ADGRV1: variants seen among roughly 807,000 people sequenced by gnomAD.
ADGRV1 encodes G-protein coupled receptor 98.
In ADGRV1, 359 loss-of-function variants were observed where a neutral mutation model predicts 596.2. That is an observed-to-expected ratio of 0.60 (90% CI 0.55 to 0.66). The LOEUF (loss-of-function observed/expected upper bound fraction) is 0.66, where lower values mean the gene tolerates loss of function less well. Among genes scored for constraint, ADGRV1 ranks in the 30% least tolerant of loss-of-function variants. ADGRV1 has a pLI of 0.00. For synonymous variants in ADGRV1, 2,681 were observed against 2,679.2 expected (o/e 1.00, Z -0.02); for missense variants, 7,274 against 7,575.6 (o/e 0.96, Z 1.48).
At chr5:90,686,136 AG>A (rs754793536) in intron 29 of ADGRV1, 141 bp downstream of exon 29, 11 of 358,290 alleles carry the variant, frequency 3.1e-5, no homozygotes, top group Non-Finnish European at 4.1e-5. Flanking sequence ...ATCTTTTTCA[AG>A]GGACAAATCT....
At position 90,629,359 on chromosome 5, in the gene ADGRV1, G is replaced by T; in HGVS notation, c.1659G>T (p.Leu553Phe). 1.2e-6 allele frequency: 2 copies of T among 1,613,650 alleles called. No individual in the cohort carries two copies. Among genetic ancestry groups the T allele is most frequent in the Non-Finnish European group, 1.7e-6 (2 of 1,179,814 alleles). Residue 553 changes from leucine to phenylalanine, a missense_variant, in exon 9 of 90, where the codon TTG (leucine) becomes TTT (phenylalanine). Physicochemically the swap from Leu to Phe is conservative, Grantham distance 22. Transcript: ENST00000405460. Reference sequence around the variant, plus strand: ...GAGGGACTAAAGGAGATGTGAGGTTGCTTTATTCTGTACTTTACATTCCTG... The same window carrying T: ...GAGGGACTAAAGGAGATGTGAGGTTTCTTTATTCTGTACTTTACATTCCTG... ...RLGGTKGDVR[L>F]LYSVLYIPAG...
chr5:90,820,041 G>A (rs1434715252), intron 75 of ADGRV1, among the ~76,000 whole-genome samples: 7 of 151,718 alleles, frequency 4.6e-5, no homozygotes, highest in African/African-American at 1.7e-4. Flanking sequence ...TTATTAATGT[G>A]TGGGAGTCTA....
rs1755507691 is a variant in ADGRV1 at position 90,753,621 on chromosome 5, T to C, written c.11169T>C (p.Ile3723=). 6.2e-7 allele frequency: 1 copy of C among 1,612,030 alleles called. No individual in the cohort carries two copies. Among genetic ancestry groups the C allele is most frequent in the Non-Finnish European group, 8.5e-7 (1 of 1,178,178 alleles). ...GQVLSTITLT[I]LADNIPELSE... ...TACTGTCAACAATCACTCTAACTAT[T>C]CTTGCTGATAATATACCAGAGTTAT... The change falls in exon 54 of 90, where the codon ATT becomes ATC. Residue 3723 remains isoleucine (I), a synonymous_variant. Transcript: ENST00000405460.
At chr5:90,772,011 T>G (rs1757744997) in intron 59 of ADGRV1, among the ~76,000 whole-genome samples, 1 of 151,998 alleles carries the variant, frequency 6.6e-6, no homozygotes. Context: ...ATCACCCTTT[T>G]CCCCCCTCTT....
chr5:91,159,357 T>G (rs1019654676), intron 89 of ADGRV1, among the ~76,000 whole-genome samples: 3 of 152,244 alleles, frequency 2.0e-5, no homozygotes, highest in Non-Finnish European at 4.4e-5. Flanking sequence ...TTGAAGCCAC[T>G]GTGTTAGTGC....
chr5:90,715,282 C>T (rs1374789878), intron 42 of ADGRV1, among the ~76,000 whole-genome samples: 1 of 152,216 alleles, frequency 6.6e-6, no homozygotes, highest in Non-Finnish European at 1.5e-5. Flanking sequence ...GCAACTGACA[C>T]TCAGTCCTGC....
chr5:91,041,654 G>C (rs1785370147), intron 85 of ADGRV1, among the ~76,000 whole-genome samples: 1 of 151,580 alleles, frequency 6.6e-6, no homozygotes, highest in Non-Finnish European at 1.5e-5. Flanking sequence ...AAAAAAGAGA[G>C]AGAGAGAGAC....
At chr5:90,747,640 A>C (rs555614207) in intron 52 of ADGRV1, among the ~76,000 whole-genome samples, 1 of 152,270 alleles carries the variant, frequency 6.6e-6, no homozygotes, top group South Asian at 2.1e-4. Flanking sequence ...CAGGATTTTA[A>C]CTGGGGTCTG....
chr5:90,996,899 A>T (rs1049575231), intron 85 of ADGRV1, among the ~76,000 whole-genome samples: 1 of 152,328 alleles, frequency 6.6e-6, no homozygotes, highest in South Asian at 2.1e-4. Flanking sequence ...TTGGATTTCC[A>T]TGGAACCTGT....
rs556425782 is a variant in ADGRV1 at position 90,654,154 on chromosome 5, T to C, written c.4378+202T>C. ...TGTTACAGAAATGAATCAGAGAATT[T>C]TGCCCTTAAAGAACCTGGAATAAAC... On this transcript the variant is annotated intron_variant, in intron 20 of 89. Coordinates refer to ENST00000405460, the MANE Select transcript of ADGRV1 (RefSeq NM_032119.4). 65 of 623,326 alleles carry C rather than the reference T, an allele frequency of 1.0e-4. No homozygotes were observed. The African/African-American group carries it at 1.1e-3, about 11-fold the overall frequency. 38.6% of individuals were successfully genotyped at this position (623,326 alleles called of 1,614,324 possible). A position where few individuals can be genotyped will look rare whatever the true frequency, so the allele number is the denominator to read the frequency against.
chr5:91,160,346 A>C (rs948082042), intron 89 of ADGRV1, among the ~76,000 whole-genome samples: 4 of 152,168 alleles, frequency 2.6e-5, no homozygotes, highest in African/African-American at 9.7e-5. Flanking sequence ...GAAAGGTGGA[A>C]TTTTGAAAGA....
At chr5:90,920,145 A>G (rs1414982795) in intron 83 of ADGRV1, among the ~76,000 whole-genome samples, 1 of 152,168 alleles carries the variant, frequency 6.6e-6, no homozygotes, top group Non-Finnish European at 1.5e-5. Context: ...GAGACTGGGA[A>G]GTTCTAAATC....
intron 83 of ADGRV1, among the ~76,000 whole-genome samples, chr5:90,926,625 C>G (rs907091356): frequency 4.0e-5 from 6 of 151,698 alleles, no homozygotes; most frequent in African/African-American, 1.2e-4. Flanking sequence ...TTTTGTGTCT[C>G]TGTTTCCTTC....
intron 70 of ADGRV1, among the ~76,000 whole-genome samples, chr5:90,799,988 T>C (rs1303414569): frequency 6.6e-6 from 1 of 152,042 alleles, no homozygotes; most frequent in Non-Finnish European, 1.5e-5. Context: ...GAAGAAAACC[T>C]AGGAAATACC....
chr5:90,683,371 C>T (rs1053474398), intron 27 of ADGRV1, among the ~76,000 whole-genome samples: 3 of 151,934 alleles, frequency 2.0e-5, no homozygotes, highest in African/African-American at 7.3e-5. Flanking sequence ...CCACTGCACT[C>T]GGCATAGTCA....
chr5:90,685,524 G>A (rs996572699), intron 28 of ADGRV1, among the ~76,000 whole-genome samples: 2 of 151,940 alleles, frequency 1.3e-5, no homozygotes, highest in African/African-American at 4.8e-5. Flanking sequence ...AGCGGAGGTT[G>A]TGGTGAGCCA....
At chr5:90,860,722 T>TA (rs200972948) in intron 82 of ADGRV1, among the ~76,000 whole-genome samples, 16,303 of 135,208 alleles carry the variant, frequency 0.12, 909 homozygotes, top group East Asian at 0.18. Flanking sequence ...GGTGGTATAA[T>TA]AAAAAAAAAA....
intron 84 of ADGRV1, among the ~76,000 whole-genome samples, chr5:90,974,679 C>T (rs1481367865): frequency 6.6e-6 from 1 of 152,144 alleles, no homozygotes. Flanking sequence ...CCCTTCCTTA[C>T]ACCTTATACA....
chr5:90,659,906 C>A (rs1770000449), intron 21 of ADGRV1, among the ~76,000 whole-genome samples: 6 of 152,078 alleles, frequency 3.9e-5, no homozygotes, highest in Admixed American at 3.9e-4. Flanking sequence ...GTGGTGGGCA[C>A]CTGTAGTGCC....
Sources: gnomAD v4.1 joint callset for allele counts (sites outside exome capture counted in the v4.1 genomes callset) on GRCh38, gnomAD v4.1.1 for gene constraint, MANE v1.5 for transcripts, NCBI Gene and HGNC (gene_info 2026-07-23, HGNC 2026-07-21) for gene names.